Variants in SNRPN observed in about 807,000 individuals in gnomAD.
SNRPN encodes the protein small nuclear ribonucleoprotein-associated protein N.
In SNRPN, 7 loss-of-function variants were observed where a neutral mutation model predicts 25.2. That is an observed-to-expected ratio of 0.28 (90% CI 0.16 to 0.52). The LOEUF is 0.52. Ranked by LOEUF, SNRPN falls within the 20% of genes least tolerant of loss-of-function variation. The pLI, the probability that SNRPN is intolerant of heterozygous loss-of-function variation, is 0.96. For missense variants in SNRPN, 196 were observed against 322.5 expected (o/e 0.61, Z 3.00); for synonymous variants, 124 against 110.6 (o/e 1.12, Z -0.76).
intron 2 of SNRPN, among the ~76,000 whole-genome samples, chr15:24,906,692 T>C (rs4906693): frequency 0.55 from 84,015 of 151,926 alleles, 24,644 homozygotes; most frequent in South Asian, 0.68. Context: ...TCTCAATTTC[T>C]GAGGTGCCAT....
At chr15:24,909,306 T>C (rs1318785525) in intron 2 of SNRPN, 2 of 1,603,810 alleles carry the variant, frequency 1.2e-6, no homozygotes, top group East Asian at 2.2e-5. Flanking sequence ...CTGTGAGGGA[T>C]AGACAAGCCT....
At chr15:24,877,726 C>T (rs994807942) in intron 1 of SNRPN, among the ~76,000 whole-genome samples, 3 of 152,028 alleles carry the variant, frequency 2.0e-5, no homozygotes, top group Non-Finnish European at 4.4e-5. Context: ...GTGGCGCGCG[C>T]CTGTAATCCC....
chr15:24,963,536 G>A (rs1012543040), intron 2 of SNRPN, among the ~76,000 whole-genome samples: 3 of 151,280 alleles, frequency 2.0e-5, no homozygotes, highest in African/African-American at 7.3e-5. Flanking sequence ...AATTGTTTGA[G>A]CCCAGGAGAC....
chr15:24,885,774 T>G (rs1333190116), intron 1 of SNRPN, among the ~76,000 whole-genome samples: 1 of 148,948 alleles, frequency 6.7e-6, no homozygotes, highest in Non-Finnish European at 1.5e-5. Flanking sequence ...GTGTGAATAT[T>G]GTTTTTATTA....
At chr15:24,854,675 A>G (rs1460265136), upstream of SNRPN, among the ~76,000 whole-genome samples, 4 of 152,152 alleles carry the variant, frequency 2.6e-5, no homozygotes, top group African/African-American at 9.7e-5. Flanking sequence ...TTTCTAGTTC[A>G]TTCTTGAGGT....
upstream of SNRPN, among the ~76,000 whole-genome samples, chr15:24,950,859 C>CT (rs78858293): frequency 4.1e-3 from 569 of 140,282 alleles, 2 homozygotes; most frequent in East Asian, 4.4e-3. Context: ...CTATGTTTTC[C>CT]TTTTTTTTTT....
chr15:24,845,867 G>A (rs983807232), intron 2 of SNRPN, among the ~76,000 whole-genome samples: 6 of 151,876 alleles, frequency 4.0e-5, no homozygotes, highest in African/African-American at 4.8e-5. Context: ...GGTGGATCAC[G>A]ACGTCAGGAG....
upstream of SNRPN, among the ~76,000 whole-genome samples, chr15:24,853,325 A>G (rs964846903): frequency 2.6e-5 from 4 of 152,096 alleles, no homozygotes; most frequent in African/African-American, 9.7e-5. Context: ...TTTATGCTTC[A>G]TAAGCTGTTG....
chr15:24,928,562 A>C (rs1193256838), intron 3 of SNRPN, among the ~76,000 whole-genome samples: 1 of 149,526 alleles, frequency 6.7e-6, no homozygotes, highest in Non-Finnish European at 1.5e-5. Context: ...AATAATGGTC[A>C]GTATCAAAAA....
intron 1 of SNRPN, among the ~76,000 whole-genome samples, chr15:24,875,589 A>C (rs1418767407): frequency 1.3e-5 from 2 of 152,082 alleles, no homozygotes; most frequent in Non-Finnish European, 1.5e-5. Context: ...TGATAGAAAA[A>C]TCAATTTTCC....
rs767992679 is a variant in SNRPN, at chr15:24,976,978, C to T, written c.369C>T (p.Ala123=). The part of the protein sequence containing the change: ...GVPAGVPIPQ[A]PAGLAGPVRG... ...CAGCTGGTGTGCCAATTCCCCAGGCCCCTGCTGGATTGGCAGGCCCTGTCC... is the reference window on the plus strand; with the variant it reads ...CAGCTGGTGTGCCAATTCCCCAGGCTCCTGCTGGATTGGCAGGCCCTGTCC... The change falls in exon 7 of 10, where the codon GCC becomes GCT. Residue 123 remains alanine (A), a synonymous_variant. Transcript: ENST00000390687. 16 of 1,603,576 alleles carry T rather than the reference C, an allele frequency of 1.0e-5. No individual in the cohort carries two copies. The African/African-American group carries it at 1.6e-4, about 16-fold the overall frequency.
rs139693556 is a variant in SNRPN, at chr15:24,825,356, A to C, written c.-687+1506A>C. Among the ~76,000 whole-genome samples the C allele has an allele frequency of 7.2e-3, 1,095 of 152,112 alleles. 19 individuals are homozygous for C. Among genetic ancestry groups the C allele is most frequent in the African/African-American group, 0.025 (1,044 of 41,416 alleles). On this transcript the variant is annotated intron_variant, in intron 1 of 12. Coordinates refer to the SNRPN transcript ENST00000400100. ...TAATGGTATTTATGTAATGAAGGACAAGGGAAAGATGATTCCCAAATCTGA... is the reference window on the plus strand; with the variant it reads ...TAATGGTATTTATGTAATGAAGGACCAGGGAAAGATGATTCCCAAATCTGA...
At chr15:24,890,651 C>A (rs796833829) in intron 2 of SNRPN, among the ~76,000 whole-genome samples, 6 of 152,222 alleles carry the variant, frequency 3.9e-5, no homozygotes, top group African/African-American at 1.4e-4. Flanking sequence ...TGCACTCCAG[C>A]CTGGGCAACA....
chr15:24,868,191 A>G (rs1212861091), intron 1 of SNRPN, among the ~76,000 whole-genome samples: 1 of 152,098 alleles, frequency 6.6e-6, no homozygotes, highest in African/African-American at 2.4e-5. Flanking sequence ...AATGAATGAC[A>G]GCAATAGTAC....
At chr15:24,894,494 C>T (rs1277867048) in intron 2 of SNRPN, among the ~76,000 whole-genome samples, 1 of 152,214 alleles carries the variant, frequency 6.6e-6, no homozygotes, top group Non-Finnish European at 1.5e-5. Context: ...GCTGGGATTA[C>T]AGGCGTGAGC....
chr15:24,844,917 C>T (rs2052051140), intron 2 of SNRPN, among the ~76,000 whole-genome samples: 1 of 152,060 alleles, frequency 6.6e-6, no homozygotes, highest in Non-Finnish European at 1.5e-5. Context: ...ACAGTATTTT[C>T]CTTAGAAATT....
chr15:24,971,641 C>T (rs761995896), intron 3 of SNRPN, among the ~76,000 whole-genome samples: 16 of 152,014 alleles, frequency 1.1e-4, no homozygotes, highest in Admixed American at 3.3e-4. Flanking sequence ...ACCTCTGGAC[C>T]GCTAAGCTTG....
At position 24,942,583 on chromosome 15, in the gene SNRPN, G is replaced by A. The variant is rs2061619755; in HGVS notation, c.-390-19531G>A. 2.0e-5 allele frequency: 3 copies of A among 152,238 alleles called. No individual in the cohort carries two copies. The South Asian group carries it at 6.2e-4, about 32-fold the overall frequency. 9.4% of individuals were successfully genotyped at this position (152,238 alleles called of 1,614,324 possible). ...TATGATAGTGGTTAAGGCATTTTGT[G>A]ATTTTACAGAGGGAACTTTTGACAG... is the stretch of plus-strand genomic sequence containing the variant. On this transcript the variant is annotated intron_variant, in intron 3 of 11. Coordinates refer to the SNRPN transcript ENST00000400097.
chr15:24,962,114 G>T lies in SNRPN; in HGVS notation c.-390G>T. On this transcript the variant is annotated splice_region_variant and 5_prime_UTR_variant, in exon 2 of 10. Coordinates refer to ENST00000390687, the MANE Select transcript of SNRPN (RefSeq NM_003097.6). The stretch of plus-strand genomic sequence containing the variant: ...CAAATGCCTCTCTTTTCTGTTTCAG[G>T]GATCGCTTACACCTGAGACGAACTA... 1 of 1,613,810 alleles carries T rather than the reference G, an allele frequency of 6.2e-7. No individual in the cohort carries two copies. The highest frequency in any genetic ancestry group is 1.1e-5 in the South Asian group (1 of 91,066).
Sources: allele counts gnomAD v4.1 joint callset (sites outside exome capture counted in the v4.1 genomes callset), GRCh38; gene constraint gnomAD v4.1.1; transcripts MANE v1.5; gene names NCBI Gene and HGNC (gene_info 2026-07-23, HGNC 2026-07-21).